The following CDH23 variants were observed in gnomAD, a reference collection of about 807,000 sequenced individuals.
CDH23 encodes the protein cadherin-23.
In CDH23, 189 loss-of-function variants were observed where a neutral mutation model predicts 317.1. The ratio of observed to expected loss-of-function variants is 0.60; its 90% CI spans 0.53 to 0.67. The LOEUF is 0.67. Among genes scored for constraint, CDH23 ranks in the 30% least tolerant of loss-of-function variants. CDH23 has a pLI of 0.00. For missense variants in CDH23, 4,401 were observed against 4,592.4 expected (o/e 0.96, Z 1.20); for synonymous variants, 1,839 against 1,876.8 (o/e 0.98, Z 0.52).
intron 1 of CDH23, among the ~76,000 whole-genome samples, chr10:71,410,065 T>C (rs142662019): frequency 0.012 from 1,862 of 152,318 alleles, 17 homozygotes; most frequent in Middle Eastern, 0.02. Context: ...TGTGGGCTTC[T>C]GGCAATTTAA....
chr10:71,470,248 A>G (rs76822233), intron 3 of CDH23, among the ~76,000 whole-genome samples: 2,462 of 152,310 alleles, frequency 0.016, 72 homozygotes, highest in African/African-American at 0.056. Context: ...AGCATGTGGC[A>G]TGAGAGGCTT....
intron 11 of CDH23, among the ~76,000 whole-genome samples, chr10:71,625,421 A>AAAAAAAAAAAAAC (rs778124827): frequency 5.4e-5 from 5 of 92,378 alleles, no homozygotes; most frequent in African/African-American, 8.0e-5. Flanking sequence ...AAAAAAAAAA[A>AAAAAAAAAAAAAC]AAATGACAAG....
intron 3 of CDH23, among the ~76,000 whole-genome samples, chr10:71,456,604 G>C (rs567659118): frequency 1.3e-5 from 2 of 152,178 alleles, no homozygotes; most frequent in Non-Finnish European, 2.9e-5. Context: ...GCCACCTGTC[G>C]TGTGAGCATG....
At chr10:71,614,424 C>T (rs1861071567) in intron 9 of CDH23, among the ~76,000 whole-genome samples, 1 of 152,172 alleles carries the variant, frequency 6.6e-6, no homozygotes, top group Admixed American at 6.5e-5. Flanking sequence ...CAGGTGAATT[C>T]ACATGTGGGA....
chr10:71,725,292 GC>G, intron 29 of CDH23, 79 bp from the exon 30 acceptor site: 1 of 1,601,598 alleles, frequency 6.2e-7, no homozygotes, highest in Non-Finnish European at 8.6e-7. Context: ...GTGAACTTCT[GC>G]CCCCAACCAT....
chr10:71,626,057 C>G (rs1861719999), intron 11 of CDH23, among the ~76,000 whole-genome samples: 1 of 152,222 alleles, frequency 6.6e-6, no homozygotes, highest in Non-Finnish European at 1.5e-5. Flanking sequence ...ATGTATGAGA[C>G]TGACTGCTAA....
At chr10:71,706,572 C>T (rs575709855) in intron 25 of CDH23, among the ~76,000 whole-genome samples, 5 of 152,342 alleles carry the variant, frequency 3.3e-5, no homozygotes, top group Admixed American at 6.5e-5. Flanking sequence ...CATGATTGTC[C>T]GTGTTGCCAT....
At chr10:71,523,734 A>G (rs1854843761) in intron 6 of CDH23, among the ~76,000 whole-genome samples, 1 of 152,180 alleles carries the variant, frequency 6.6e-6, no homozygotes, top group South Asian at 2.1e-4. Flanking sequence ...CCATCCATCC[A>G]TCTATTCATT....
intron 69 of CDH23, 139 bp from the exon 70 acceptor site, chr10:71,814,813 G>A: frequency 4.0e-6 from 4 of 994,200 alleles, no homozygotes; most frequent in Non-Finnish European, 5.7e-6. Context: ...TTTGCAGGCA[G>A]TTTGAGAAAC....
At chr10:71,664,437 G>C (rs1564718367) in intron 14 of CDH23, among the ~76,000 whole-genome samples, 1 of 152,188 alleles carries the variant, frequency 6.6e-6, no homozygotes, top group Non-Finnish European at 1.5e-5. Flanking sequence ...GGCTGGGCCT[G>C]GCTTCCCTAG....
chr10:71,814,624 G>A (rs1432830714), intron 69 of CDH23, among the ~76,000 whole-genome samples: 5 of 145,200 alleles, frequency 3.4e-5, no homozygotes, highest in African/African-American at 7.7e-5. Flanking sequence ...GCGCCACTGC[G>A]AGACTCTGTC....
At position 71,803,270 on chromosome 10, in the gene CDH23, C is replaced by T. The variant is rs111033483; in HGVS notation, c.7722C>T (p.Tyr2574=). The T allele has an allele frequency of 3.6e-3, 5,779 of 1,593,284 alleles. 18 individuals carry two copies. Among genetic ancestry groups the T allele is most frequent in the Non-Finnish European group, 4.5e-3 (5,271 of 1,169,404 alleles). ...LVTTQRPLQS[Y]EKFSLTVVAT... The stretch of plus-strand genomic sequence containing the variant: ...CCACACAGCGGCCACTGCAGTCCTA[C>T]GAGAAGTTCAGTCTGACCGTGGTGG... The change falls in exon 55 of 70, where the codon TAC becomes TAT. Residue 2574 remains tyrosine (Y), a synonymous_variant. Transcript: ENST00000224721.
chr10:71,527,707 G>A (rs191315485), intron 6 of CDH23, among the ~76,000 whole-genome samples: 21 of 152,194 alleles, frequency 1.4e-4, no homozygotes, highest in Non-Finnish European at 1.0e-4. Flanking sequence ...TATGAATTCT[G>A]ACCCTGTGCA....
chr10:71,802,918 T>C lies in CDH23; in HGVS notation c.7503T>C (p.Asp2501=), dbSNP rs1464327517. The C allele has an allele frequency of 2.5e-6, 4 of 1,614,000 alleles. No individual in the cohort carries two copies. Among genetic ancestry groups the C allele is most frequent in the Non-Finnish European group, 3.4e-6 (4 of 1,179,868 alleles). ...NSVQVVIQVL[D]VNDCRPQFSK... ...CCCAGGTGGTGATCCAAGTGCTGGATGTCAATGACTGCCGGCCACAGTTCT... is the reference window on the plus strand; with the variant it reads ...CCCAGGTGGTGATCCAAGTGCTGGACGTCAATGACTGCCGGCCACAGTTCT... Residue 2501 remains aspartate, a synonymous_variant, in exon 54 of 70, where the codon GAT becomes GAC. Transcript: ENST00000224721.
At chr10:71,613,316 C>G (rs1250992470) in intron 9 of CDH23, among the ~76,000 whole-genome samples, 1 of 152,206 alleles carries the variant, frequency 6.6e-6, no homozygotes, top group Non-Finnish European at 1.5e-5. Flanking sequence ...ACTATGCAAA[C>G]GCAGCCATAC....
chr10:71,437,420 C>T (rs1691523191), intron 1 of CDH23, among the ~76,000 whole-genome samples: 2 of 152,198 alleles, frequency 1.3e-5, no homozygotes, highest in Non-Finnish European at 2.9e-5. Context: ...ACATCCATAC[C>T]ATGAGCTATT....
chr10:71,471,525 C>T (rs10999836), intron 3 of CDH23, among the ~76,000 whole-genome samples: 11,467 of 135,196 alleles, frequency 0.085, 483 homozygotes, highest in Middle Eastern at 0.13. Flanking sequence ...TGCTTTATGA[C>T]CACCCCCAAG....
In CDH23 at chr10:71,797,182, C is replaced by T. The variant is rs765872353; in HGVS notation, c.6791C>T (p.Ala2264Val). 3 of 1,613,394 alleles carry T rather than the reference C, an allele frequency of 1.9e-6. No individual in the cohort carries two copies. The highest frequency in any genetic ancestry group is 2.7e-5 in the African/African-American group (2 of 75,010). ...YEVTLSVIDN[A>V]SDLPERSVSV... ...GTCACTCTCTCAGTGATTGACAATG[C>T]CAGCGACCTACCAGAGCGCTCTGTC... Residue 2264 changes from alanine (A) to valine (V), a missense_variant, in exon 49 of 70, where the codon GCC (alanine) becomes GTC (valine). This residue lies in a region of CDH23 where 3,068 missense variants were observed against 3,203.3 expected (regional missense o/e 0.96). Coordinates refer to ENST00000224721, the MANE Select transcript of CDH23 (RefSeq NM_022124.6).
At position 71,741,627 on chromosome 10, in the gene CDH23, G is replaced by T. The variant is rs1483758655; in HGVS notation, c.4618-67G>T. On this transcript the variant is annotated intron_variant, in intron 37 of 69. Coordinates refer to ENST00000224721, the MANE Select transcript of CDH23 (RefSeq NM_022124.6). ...TACAGGGGGAGCCTTCGGGCTACAG[G>T]AGCAGGTGCCAGACTGTGCCCCAAT... is the stretch of plus-strand genomic sequence containing the variant. 5 of 1,395,564 alleles carry T rather than the reference G, an allele frequency of 3.6e-6. No individual in the cohort carries two copies. The African/African-American group carries it at 5.7e-5, about 16-fold the overall frequency. The allele number at this position is 1,395,564 out of a possible 1,614,324, so 86.4% of individuals were successfully genotyped here.
Sources: gnomAD v4.1 joint callset for allele counts (sites outside exome capture counted in the v4.1 genomes callset) on GRCh38, gnomAD v4.1.1 for gene constraint, gnomAD v4.1.1 regional missense constraint, MANE v1.5 for transcripts, NCBI Gene and HGNC (gene_info 2026-07-23, HGNC 2026-07-21) for gene names.